POTEC: variants seen among roughly 807,000 people sequenced by gnomAD.
The protein encoded by POTEC is ANKRD26-like family B member 2.
A neutral mutation model predicts 62.0 loss-of-function variants in POTEC; 35 were observed. That is an observed-to-expected ratio of 0.56 (90% CI 0.43 to 0.75). POTEC has a LOEUF of 0.75. POTEC is among the 30% of genes least tolerant of loss of function. The pLI is 0.00. For missense variants in POTEC, 472 were observed against 655.9 expected, an observed-to-expected ratio of 0.72 and a Z score of 3.06; for synonymous variants, 156 against 221.5, an observed-to-expected ratio of 0.70 and a Z score of 2.62.
intron 9 of POTEC, among the ~76,000 whole-genome samples, chr18:14,516,868 T>A (rs1321139552): frequency 1.3e-5 from 2 of 151,714 alleles, no homozygotes; most frequent in Non-Finnish European, 2.9e-5. Context: ...GGTAAAGTTG[T>A]ATAAGAATAT....
rs570935101 is a variant in POTEC, at chr18:14,525,909, G to GT, written c.1127-927dup. On this transcript the variant is annotated intron_variant, in intron 6 of 10. Coordinates refer to ENST00000358970, the MANE Select transcript of POTEC (RefSeq NM_001137671.2). ...TTTATATTCATTTTTCTTTTTTTTT[G>GT]TTTTTTTGTTTGAGCCAGGGTCTTG... Among the ~76,000 whole-genome samples the GT allele has an allele frequency of 9.1e-4, 136 of 149,848 alleles. 1 individual carries two copies. The highest frequency in any genetic ancestry group is 2.4e-3 in the African/African-American group (97 of 40,778).
intron 4 of POTEC, among the ~76,000 whole-genome samples, chr18:14,533,787 C>T (rs2143154243): frequency 6.6e-6 from 1 of 152,030 alleles, no homozygotes; most frequent in Admixed American, 6.6e-5. Flanking sequence ...TGGTAAATAA[C>T]GTTCCCAATG....
At chr18:14,535,650 C>G (rs1905687573) in intron 3 of POTEC, among the ~76,000 whole-genome samples, 1 of 151,734 alleles carries the variant, frequency 6.6e-6, no homozygotes, top group Admixed American at 6.6e-5. Context: ...AACCTGCCAT[C>G]CTGATTAAGC....
intron 3 of POTEC, among the ~76,000 whole-genome samples, chr18:14,535,690 G>A (rs1045356157): frequency 3.6e-4 from 54 of 151,930 alleles, no homozygotes; most frequent in African/African-American, 1.3e-3. Flanking sequence ...GAGACATACT[G>A]GATAATACAG....
At chr18:14,535,133 C>G in intron 3 of POTEC, 126 bp from the exon 4 acceptor site, 3 of 1,447,248 alleles carry the variant, frequency 2.1e-6, no homozygotes, top group Non-Finnish European at 2.8e-6. Flanking sequence ...CCTTCTCACT[C>G]TTCTGTACTT....
intron 5 of POTEC, among the ~76,000 whole-genome samples, chr18:14,532,549 C>CA (rs1014812872): frequency 2.8e-4 from 42 of 152,194 alleles, no homozygotes; most frequent in East Asian, 1.9e-3. Context: ...AATGCAGCAA[C>CA]AAAAACAATG....
At chr18:14,514,710 G>A (rs1474519428) in intron 9 of POTEC, among the ~76,000 whole-genome samples, 2 of 151,578 alleles carry the variant, frequency 1.3e-5, no homozygotes, top group Non-Finnish European at 2.9e-5. Context: ...CTAAGGCAGA[G>A]CAATTGGGCA....
chr18:14,521,282 G>A (rs1229563543), intron 9 of POTEC, among the ~76,000 whole-genome samples: 1 of 152,110 alleles, frequency 6.6e-6, no homozygotes, highest in East Asian at 1.9e-4. Flanking sequence ...CAACACAGCA[G>A]ATATTACAAG....
At position 14,530,530 on chromosome 18, in the gene POTEC, T is replaced by C. The variant is rs753914518; in HGVS notation, c.1079A>G (p.Tyr360Cys). Residue 360 changes from tyrosine (Y) to cysteine (C), a missense_variant, in exon 6 of 11, where the codon TAT becomes TGT. Physicochemically the swap from Tyr to Cys is radical, Grantham distance 194. Around this residue, in one of 5 missense-constraint regions of POTEC, gnomAD observed 83 missense variants for 254.3 expected, o/e 0.33. Coordinates refer to ENST00000358970, the MANE Select transcript of POTEC (RefSeq NM_001137671.2). ...HHVICELLSD[Y>C]KEKQMLKISS... The stretch of plus-strand genomic sequence containing the variant: ...GATTTTTAGCATCTGTTTTTCTTTA[T>C]AGTCAGAAAGTAATTCACAAATTCT... 63 of 1,594,594 alleles carry C rather than the reference T, an allele frequency of 4.0e-5. No individual in the cohort carries two copies. In the Middle Eastern group the frequency reaches 1.1e-3, roughly 29 times the overall value.
rs1335579623 is a variant in POTEC, at chr18:14,542,498, T to C, written c.521+128A>G. 3 of 1,454,940 alleles carry C rather than the reference T, an allele frequency of 2.1e-6. No individual in the cohort carries two copies. The East Asian group carries it at 6.8e-5, about 33-fold the overall frequency. 90.1% of individuals were successfully genotyped at this position (1,454,940 alleles called of 1,614,324 possible). On this transcript the variant is annotated intron_variant, in intron 1 of 10. Transcript: ENST00000358970. ...GACCTGGGCCCTGACCTCTCTGAGGTTTCCACACCCAGGGTGGTGTGGGGC... is the reference window on the plus strand; with the variant it reads ...GACCTGGGCCCTGACCTCTCTGAGGCTTCCACACCCAGGGTGGTGTGGGGC...
intron 9 of POTEC, among the ~76,000 whole-genome samples, chr18:14,514,996 A>T (rs903088377): frequency 1.2e-4 from 19 of 152,212 alleles, no homozygotes; most frequent in African/African-American, 4.6e-4. Flanking sequence ...ATACTTAATG[A>T]AGGAGGTGAG....
rs891126856 is a variant in POTEC, at chr18:14,526,528, C to T, written c.1127-1545G>A. On this transcript the variant is annotated intron_variant, in intron 6 of 10. Transcript: ENST00000358970. The stretch of plus-strand genomic sequence containing the variant: ...TGTCAGGGATGGCTTTTCTAGAACA[C>T]CTGCCCAAGCAGAGACTCAAATATT... 8.6e-5 allele frequency among the ~76,000 whole-genome samples: 13 copies of T among 151,980 alleles called. No homozygotes were observed. The East Asian group carries it at 2.1e-3, about 25-fold the overall frequency.
At chr18:14,516,298 T>TTATATA (rs200611192) in intron 9 of POTEC, among the ~76,000 whole-genome samples, 1,056 of 25,018 alleles carry the variant, frequency 0.042, 102 homozygotes, top group Admixed American at 0.051. Context: ...AAAGAAAATT[T>TTATATA]TATATATATA....
intron 9 of POTEC, among the ~76,000 whole-genome samples, chr18:14,519,264 C>T (rs537450527): frequency 1.2e-4 from 18 of 152,254 alleles, no homozygotes; most frequent in African/African-American, 2.2e-4. Context: ...TCAGGAAGGA[C>T]ATCAGTAGCC....
At chr18:14,521,688 C>T (rs1055817035) in intron 9 of POTEC, among the ~76,000 whole-genome samples, 2 of 152,046 alleles carry the variant, frequency 1.3e-5, no homozygotes, top group African/African-American at 4.8e-5. Flanking sequence ...TCAATGAGAC[C>T]ATTTCCTTTG....
rs185007040 is a variant in POTEC, at chr18:14,526,402, C to A, written c.1127-1419G>T. ...GACTGCAGAGGACAGTCTTGCACAT[C>A]ATCTTTGTAAAAACAGTCTTTATTT... On this transcript the variant is annotated intron_variant, in intron 6 of 10. Coordinates refer to ENST00000358970, the MANE Select transcript of POTEC (RefSeq NM_001137671.2). Among the ~76,000 whole-genome samples the A allele has an allele frequency of 7.6e-4, 115 of 152,244 alleles. 1 individual carries two copies. Among genetic ancestry groups the A allele is most frequent in the Middle Eastern group, 3.4e-3 (1 of 294 alleles).
intron 8 of POTEC, among the ~76,000 whole-genome samples, chr18:14,522,761 G>A (rs548037196): frequency 4.0e-5 from 6 of 151,304 alleles, no homozygotes; most frequent in East Asian, 3.9e-4. Context: ...CATTTGACTC[G>A]TGGGAACACA....
At chr18:14,521,419 T>A (rs1037205717) in intron 9 of POTEC, among the ~76,000 whole-genome samples, 2 of 152,184 alleles carry the variant, frequency 1.3e-5, no homozygotes, top group Non-Finnish European at 2.9e-5. Flanking sequence ...ACTGCATTAT[T>A]TTCTGGGTAT....
Position 14,511,879 on chromosome 18 carries a change from T to C in POTEC, c.*19A>G. The C allele has an allele frequency of 6.2e-7, 1 of 1,612,616 alleles. No homozygotes were observed. On this transcript the variant is annotated 3_prime_UTR_variant, in exon 11 of 11. Transcript: ENST00000358970. ...CAAAATTTTATTTTCCCTTAGCTGG[T>C]TCTGATGTTTTGTTTCATCTAGTTC...
Sources: gnomAD v4.1 joint callset for allele counts (sites outside exome capture counted in the v4.1 genomes callset) on GRCh38, gnomAD v4.1.1 for gene constraint, gnomAD v4.1.1 regional missense constraint, MANE v1.5 for transcripts, NCBI Gene and HGNC (gene_info 2026-07-23, HGNC 2026-07-21) for gene names.